ACLY: variants seen among roughly 807,000 people sequenced by gnomAD.
The protein encoded by ACLY is ATP-citrate synthase.
A neutral mutation model predicts 133.0 loss-of-function variants in ACLY; 41 were observed. The observed-to-expected ratio is 0.31, with a 90% CI of 0.24 to 0.40. The LOEUF is 0.40. Ranked by LOEUF, ACLY falls within the 10% of genes least tolerant of loss-of-function variation. The pLI, the probability that ACLY is intolerant of heterozygous loss-of-function variation, is 1.00. For synonymous variants in ACLY, 495 were observed against 549.3 expected (o/e 0.90, Z 1.38); for missense variants, 1,046 against 1,453.8 (o/e 0.72, Z 4.56).
rs952284499 is a variant in ACLY at position 41,917,644 on chromosome 17, G to A, written c.-24+1236C>T. Reference sequence around the variant, plus strand: ...TAGTATCTGCAGGATTGGGACTTACGTATGTAGGTATTTATTTATTTATTT... The same window carrying A: ...TAGTATCTGCAGGATTGGGACTTACATATGTAGGTATTTATTTATTTATTT... On this transcript the variant is annotated intron_variant, in intron 1 of 28. Transcript: ENST00000352035. 3.3e-5 allele frequency among the ~76,000 whole-genome samples: 5 copies of A among 152,244 alleles called. No individual in the cohort carries two copies. The East Asian group carries it at 7.7e-4, about 23-fold the overall frequency.
intron 16 of ACLY, among the ~76,000 whole-genome samples, chr17:41,889,570 T>C (rs2144295180): frequency 8.0e-6 from 1 of 125,500 alleles, no homozygotes; most frequent in East Asian, 2.5e-4. Context: ...GTAGCTCATT[T>C]TCAGCAAATG....
At chr17:41,883,006 C>A in intron 20 of ACLY, 116 bp downstream of exon 20, 1 of 853,000 alleles carries the variant, frequency 1.2e-6, no homozygotes, top group South Asian at 1.8e-5. Context: ...AAGCAAGTAA[C>A]AAACGTTTCT....
chr17:41,883,272 C>T (rs782645249), intron 19 of ACLY, 40 bp from the exon 20 acceptor site: 21 of 1,549,830 alleles, frequency 1.4e-5, no homozygotes, highest in Non-Finnish European at 1.7e-5. Flanking sequence ...CAAGTTAGTG[C>T]AGCCCATCCT....
At chr17:41,913,987 A>G in intron 1 of ACLY, 91 bp from the exon 2 acceptor site, 1 of 1,270,354 alleles carries the variant, frequency 7.9e-7, no homozygotes, top group Non-Finnish European at 1.1e-6. Flanking sequence ...AGTTGCCCCC[A>G]GACAATAAAA....
chr17:41,905,986 G>T (rs909033121), intron 8 of ACLY, among the ~76,000 whole-genome samples: 1 of 152,198 alleles, frequency 6.6e-6, no homozygotes, highest in Non-Finnish European at 1.5e-5. Context: ...GGCTACCCAA[G>T]AGAAAGTGTG....
At chr17:41,924,197 T>C (rs939389997) in intron 1 of ACLY, among the ~76,000 whole-genome samples, 7 of 151,978 alleles carry the variant, frequency 4.6e-5, no homozygotes, top group African/African-American at 1.7e-4. Context: ...CAAGCTAGAG[T>C]GCAGTGGCGT....
intron 12 of ACLY, 54 bp from the exon 13 acceptor site, chr17:41,897,893 A>C (rs914970561): frequency 1.3e-6 from 2 of 1,522,118 alleles, no homozygotes; most frequent in Middle Eastern, 1.7e-4. Context: ...CTGGGAAAAA[A>C]GCCACTGGTC....
At chr17:41,878,267 A>G (rs1555626529) in intron 21 of ACLY, 71 bp from the exon 22 acceptor site, 2 of 1,041,752 alleles carry the variant, frequency 1.9e-6, no homozygotes, top group African/African-American at 3.3e-5. Flanking sequence ...CATCCCAAGA[A>G]TGCTCTATCT....
intron 14 of ACLY, among the ~76,000 whole-genome samples, chr17:41,895,879 T>C (rs1240293460): frequency 6.6e-6 from 1 of 152,204 alleles, no homozygotes; most frequent in Non-Finnish European, 1.5e-5. Flanking sequence ...CAAAGTTAAA[T>C]GGACGCTCTG....
chr17:41,904,674 C>T, intron 10 of ACLY, 55 bp downstream of exon 10: 1 of 1,554,986 alleles, frequency 6.4e-7, no homozygotes, highest in Non-Finnish European at 8.9e-7. Context: ...AGGCCCCTTC[C>T]CTGCTTTCCC....
intron 19 of ACLY, among the ~76,000 whole-genome samples, chr17:41,883,539 T>C (rs1313299289): frequency 6.6e-6 from 1 of 151,760 alleles, no homozygotes; most frequent in Non-Finnish European, 1.5e-5. Flanking sequence ...TTAACCGTTC[T>C]ATCCAAAAGT....
At position 41,868,601 on chromosome 17, in the gene ACLY, A is replaced by T. The variant is rs1200447957; in HGVS notation, c.3211+108T>A. ...GAAACTGAACCACAAAAAGAAAATT[A>T]AAAAAAAAAAAAAAGAAAGAAAAAG... On this transcript the variant is annotated intron_variant, in intron 28 of 28. Coordinates refer to ENST00000352035, the MANE Select transcript of ACLY (RefSeq NM_001096.3). 91 of 452,750 alleles carry T rather than the reference A, an allele frequency of 2.0e-4. 1 individual carries two copies. The highest frequency in any genetic ancestry group is 7.0e-4 in the East Asian group (17 of 24,314). 28.0% of individuals were successfully genotyped at this position (452,750 alleles called of 1,614,324 possible). A position where few individuals can be genotyped will look rare whatever the true frequency, so the allele number is the denominator to read the frequency against.
chr17:41,898,401 C>A (rs1403844064), intron 12 of ACLY, among the ~76,000 whole-genome samples: 1 of 152,218 alleles, frequency 6.6e-6, no homozygotes, highest in Non-Finnish European at 1.5e-5. Flanking sequence ...GCATGAGCCA[C>A]CATGCCCGGC....
intron 25 of ACLY, chr17:41,870,538 C>T (rs2048571307): frequency 6.6e-6 from 1 of 152,216 alleles, no homozygotes; most frequent in Non-Finnish European, 1.5e-5. Context: ...AGCTACAGAG[C>T]CAAGGAGCCC....
intron 1 of ACLY, among the ~76,000 whole-genome samples, chr17:41,928,382 C>A: frequency 6.6e-6 from 1 of 151,864 alleles, no homozygotes; most frequent in East Asian, 1.9e-4. Context: ...TTCCATTAAT[C>A]CATATATATT....
rs190217211 is a variant in ACLY, at chr17:41,880,410, C to T, written c.2266-1486G>A. On this transcript the variant is annotated intron_variant, in intron 20 of 28. Coordinates refer to ENST00000352035, the MANE Select transcript of ACLY (RefSeq NM_001096.3). The stretch of plus-strand genomic sequence containing the variant: ...AAAGACACCTTAAAGCGTGAGTTCC[C>T]AATGCGTTCTTTGTAGGATTTAATC... Among the ~76,000 whole-genome samples the T allele has an allele frequency of 5.3e-3, 800 of 152,276 alleles. 9 individuals are homozygous for T. Among genetic ancestry groups the T allele is most frequent in the Non-Finnish European group, 3.2e-3 (221 of 68,032 alleles).
At chr17:41,895,079 C>A (rs2049328238) in intron 14 of ACLY, among the ~76,000 whole-genome samples, 1 of 152,190 alleles carries the variant, frequency 6.6e-6, no homozygotes, top group African/African-American at 2.4e-5. Flanking sequence ...GCCACCTAAT[C>A]CAGTTCTCCC....
At chr17:41,930,466 G>A in exon 1 of ACLY, 1 of 422,404 alleles carries the variant, frequency 2.4e-6, no homozygotes, top group Non-Finnish European at 4.4e-6. Context: ...AGAACCGCCA[G>A]AGCGTGCAAC....
chr17:41,919,190 G>A (rs2050139800), upstream of ACLY, among the ~76,000 whole-genome samples: 1 of 152,196 alleles, frequency 6.6e-6, no homozygotes, highest in African/African-American at 2.4e-5. Context: ...CTGCGGGGCC[G>A]GGGCGGGGCC....
Sources: gnomAD v4.1 joint callset for allele counts (sites outside exome capture counted in the v4.1 genomes callset) on GRCh38, gnomAD v4.1.1 for gene constraint, MANE v1.5 for transcripts, NCBI Gene and HGNC (gene_info 2026-07-23, HGNC 2026-07-21) for gene names.